Variants in UBE2U observed in about 807,000 individuals in gnomAD.
The protein encoded by UBE2U is ubiquitin conjugating enzyme E2 U, also known as ubiquitin-conjugating enzyme E2 U.
UBE2U carries 39 observed loss-of-function variants against 41.2 expected under a neutral mutation model. The observed-to-expected ratio is 0.95, with a 90% CI of 0.73 to 1.24. The LOEUF is 1.24. Among genes scored for constraint, UBE2U ranks in the 50% most tolerant of loss-of-function variants. The pLI is 0.00. For missense variants in UBE2U, 336 were observed against 363.1 expected (o/e 0.93, Z 0.61); for synonymous variants, 107 against 117.8 (o/e 0.91, Z 0.60).
intron 7 of UBE2U, among the ~76,000 whole-genome samples, chr1:64,234,137 A>T (rs1404806233): frequency 6.6e-6 from 1 of 152,150 alleles, no homozygotes; most frequent in Non-Finnish European, 1.5e-5. Flanking sequence ...CCTCTTCTGA[A>T]TTTTCCATGC....
rs184027140 is a variant in UBE2U, at chr1:64,208,007, C to T, written c.241+1151C>T. Among the ~76,000 whole-genome samples the T allele has an allele frequency of 9.5e-4, 145 of 152,134 alleles. 2 individuals carry two copies. Among genetic ancestry groups the T allele is most frequent in the Middle Eastern group, 3.4e-3 (1 of 294 alleles). On this transcript the variant is annotated intron_variant, in intron 3 of 9. Coordinates refer to ENST00000371077, the MANE Select transcript of UBE2U (RefSeq NM_001366232.2). Reference sequence around the variant, plus strand: ...AGAAAGGCTATAAACAAACACTGGACAGAATAAACAACAAAAATAAACATA... The same window carrying T: ...AGAAAGGCTATAAACAAACACTGGATAGAATAAACAACAAAAATAAACATA...
chr1:64,219,308 G>A (rs1324830396), intron 5 of UBE2U, among the ~76,000 whole-genome samples: 3 of 148,774 alleles, frequency 2.0e-5, no homozygotes, highest in Non-Finnish European at 1.5e-5. Flanking sequence ...TTTTTCACAT[G>A]TGATTTATTC....
intron 6 of UBE2U, among the ~76,000 whole-genome samples, chr1:64,224,870 A>G (rs1652753778): frequency 1.3e-5 from 2 of 152,034 alleles, no homozygotes; most frequent in African/African-American, 4.8e-5. Context: ...TGATAAAGTT[A>G]TGTGTTTTGC....
Position 64,203,739 on chromosome 1 carries a change from G to T in UBE2U, c.-312G>T. 3.6e-6 allele frequency: 1 copy of T among 276,330 alleles called. No homozygotes were observed. The highest frequency in any genetic ancestry group is 5.2e-5 in the Admixed American group (1 of 19,252). 17.1% of individuals were successfully genotyped at this position (276,330 alleles called of 1,614,324 possible). A position where few individuals can be genotyped will look rare whatever the true frequency, so the allele number is the denominator to read the frequency against. On this transcript the variant is annotated 5_prime_UTR_variant, in exon 1 of 10. Transcript: ENST00000371077. ...CTCCCACTCACGCGCCGACGACATG[G>T]GCTTGTCTCCGTTACTCATCCAAGT... is the stretch of plus-strand genomic sequence containing the variant.
rs1651552179 is a variant in UBE2U at position 64,209,751 on chromosome 1, G to A, written c.242-991G>A. On this transcript the variant is annotated intron_variant, in intron 3 of 9. Transcript: ENST00000371077. ...TATATAAAAAGCCAAATTGCCTTTCGGTGGTATTTGTACTCCTACCAAAAA... is the reference window on the plus strand; with the variant it reads ...TATATAAAAAGCCAAATTGCCTTTCAGTGGTATTTGTACTCCTACCAAAAA... Among the ~76,000 whole-genome samples, 4 of 136,848 alleles carry A rather than the reference G, an allele frequency of 2.9e-5. No homozygotes were observed. In the South Asian group the frequency reaches 6.7e-4, roughly 23 times the overall value. The allele number at this position is 136,848 out of a possible 152,430, so 89.8% of individuals were successfully genotyped here. A position where few individuals can be genotyped will look rare whatever the true frequency, so the allele number is the denominator to read the frequency against.
In UBE2U at chr1:64,239,167, AAGAAGAAG is replaced by A. The variant is rs1365408427; in HGVS notation, c.596-2483_596-2476del. Among the ~76,000 whole-genome samples, 9 of 88,464 alleles carry A rather than the reference AAGAAGAAG, an allele frequency of 1.0e-4. No homozygotes were observed. The East Asian group carries it at 3.6e-3, about 36-fold the overall frequency. 58.0% of individuals were successfully genotyped at this position (88,464 alleles called of 152,430 possible). Reference sequence around the variant, plus strand: ...AAGAAGAAGAAGAAGAAAGAAGAAGAAGAAGAAGAAGAAGAAGAAGAAGAAAGCCCCAG... The same window carrying A: ...AAGAAGAAGAAGAAGAAAGAAGAAGAAAGAAGAAGAAGAAGAAAGCCCCAG... On this transcript the variant is annotated intron_variant, in intron 7 of 9. Coordinates refer to ENST00000371077, the MANE Select transcript of UBE2U (RefSeq NM_001366232.2).
At chr1:64,227,622 A>G (rs1652964726) in intron 6 of UBE2U, among the ~76,000 whole-genome samples, 1 of 151,998 alleles carries the variant, frequency 6.6e-6, no homozygotes, top group African/African-American at 2.4e-5. Flanking sequence ...ACCAACATGC[A>G]GAAACCCTGT....
intron 6 of UBE2U, among the ~76,000 whole-genome samples, chr1:64,224,896 ATGAAAAGAGTGCCTTATAAAATAC>A (rs908068998): frequency 6.6e-6 from 1 of 151,730 alleles, no homozygotes; most frequent in African/African-American, 2.4e-5. Context: ...TAAAAAATAA[ATGAAAAGAGTGCCTTATAAAATAC>A]TGTATAGGAT....
At chr1:64,206,324 G>C (rs963555890) in intron 2 of UBE2U, among the ~76,000 whole-genome samples, 4 of 152,178 alleles carry the variant, frequency 2.6e-5, no homozygotes, top group Admixed American at 6.5e-5. Context: ...AGTTAATTAT[G>C]CCTGAGGGAG....
chr1:64,263,847 CACAG>C (rs1645215115), intron 9 of UBE2U, among the ~76,000 whole-genome samples: 1 of 152,204 alleles, frequency 6.6e-6, no homozygotes, highest in Non-Finnish European at 1.5e-5. Flanking sequence ...AGCCTCACTT[CACAG>C]ACATGGTGGC....
chr1:64,247,095 T>TATC (rs58198574), intron 8 of UBE2U, among the ~76,000 whole-genome samples: 27,860 of 76,592 alleles, frequency 0.36, 2,914 homozygotes, highest in East Asian at 0.57. Flanking sequence ...AGAAGATAGT[T>TATC]ATGTCTTTCT....
chr1:64,225,503 G>C (rs1652805417), intron 6 of UBE2U, among the ~76,000 whole-genome samples: 1 of 152,218 alleles, frequency 6.6e-6, no homozygotes, highest in Admixed American at 6.5e-5. Flanking sequence ...GAAAAGGAGA[G>C]ACAGAATCAG....
Position 64,260,701 on chromosome 1 carries a change from C to T in UBE2U, c.769+7C>T, listed in dbSNP as rs11208393. On this transcript the variant is annotated splice_region_variant and intron_variant, in intron 9 of 9. Transcript: ENST00000371077. ...AAGCTCTGCCCAACTCTAAGTAAAT[C>T]GATTCACTCTATTTGTTTTGCTTTT... 0.018 allele frequency: 28,246 copies of T among 1,541,596 alleles called. 1,065 individuals are homozygous for T. Among genetic ancestry groups the T allele is most frequent in the African/African-American group, 0.16 (11,443 of 72,790 alleles).
At chr1:64,258,485 A>T (rs705538) in intron 8 of UBE2U, among the ~76,000 whole-genome samples, 59,347 of 147,562 alleles carry the variant, frequency 0.4, 12,771 homozygotes, top group Middle Eastern at 0.53. Context: ...CCCCACCCCA[A>T]GACAGGTCCC....
chr1:64,205,230 A>G (rs1258663024), intron 1 of UBE2U, among the ~76,000 whole-genome samples: 2 of 152,216 alleles, frequency 1.3e-5, no homozygotes, highest in Non-Finnish European at 2.9e-5. Flanking sequence ...CTTAATGAAA[A>G]TGTTCCCACT....
intron 6 of UBE2U, among the ~76,000 whole-genome samples, chr1:64,224,898 G>A (rs1652756170): frequency 6.7e-6 from 1 of 149,730 alleles, no homozygotes. Flanking sequence ...AAAAATAAAT[G>A]AAAAGAGTGC....
intron 1 of UBE2U, among the ~76,000 whole-genome samples, 165 bp downstream of exon 1, chr1:64,204,281 A>G (rs1311045823): frequency 1.3e-5 from 2 of 152,226 alleles, no homozygotes; most frequent in African/African-American, 4.8e-5. Flanking sequence ...TTTCATATTA[A>G]TAACAATTAT....
At chr1:64,260,551 A>G in intron 8 of UBE2U, 52 bp from the exon 9 acceptor site, 1 of 1,396,132 alleles carries the variant, frequency 7.2e-7, no homozygotes, top group Non-Finnish European at 9.8e-7. Flanking sequence ...AGAAGTAAAT[A>G]TACCCTTACC....
intron 2 of UBE2U, 55 bp downstream of exon 2, chr1:64,205,775 G>T (rs1651256851): frequency 7.1e-7 from 1 of 1,414,978 alleles, no homozygotes; most frequent in Non-Finnish European, 9.9e-7. Context: ...ACCATTATTA[G>T]CCCATCCTCT....
Sources: allele counts gnomAD v4.1 joint callset (sites outside exome capture counted in the v4.1 genomes callset), GRCh38; gene constraint gnomAD v4.1.1; transcripts MANE v1.5; gene names NCBI Gene and HGNC (gene_info 2026-07-23, HGNC 2026-07-21).